ROR2: variants seen among roughly 807,000 people sequenced by gnomAD.
The protein encoded by ROR2 is ROR family WNT receptor 2, also known as tyrosine-protein kinase transmembrane receptor ROR2.
A neutral mutation model predicts 74.9 loss-of-function variants in ROR2; 33 were observed. The observed-to-expected ratio is 0.44, with a 90% CI of 0.33 to 0.59. The LOEUF (loss-of-function observed/expected upper bound fraction) is 0.59. ROR2 is among the 20% of genes least tolerant of loss of function. ROR2 has a pLI of 0.02. For missense variants in ROR2, 1,216 were observed against 1,313.8 expected (o/e 0.93, Z 1.15); for synonymous variants, 586 against 558.7 (o/e 1.05, Z -0.69).
At chr9:91,947,805 A>G (rs1832053379) in intron 1 of ROR2, among the ~76,000 whole-genome samples, 1 of 152,228 alleles carries the variant, frequency 6.6e-6, no homozygotes, top group African/African-American at 2.4e-5. Flanking sequence ...TCGTGGATAA[A>G]ACACACTCAA....
At chr9:91,829,229 T>C (rs951599290) in intron 1 of ROR2, among the ~76,000 whole-genome samples, 9 of 152,124 alleles carry the variant, frequency 5.9e-5, no homozygotes, top group African/African-American at 2.2e-4. Context: ...CAGAAGTGTA[T>C]GGGCACATTT....
rs753394714 is a variant in ROR2, at chr9:91,733,246, G to A, written c.813C>T (p.Ala271=). ...GCATGAGGATGAGCGGGTTGGAGCG[G>A]GCGATGGTGTACTCCTGGCGGCACA... ...SDLCRQEYTI[A]RSNPLILMRL... is the part of the protein sequence containing the mutation. Residue 271 remains alanine (A), a synonymous_variant, in exon 6 of 9, where the codon GCC becomes GCT. Coordinates refer to ENST00000375708, the MANE Select transcript of ROR2 (RefSeq NM_004560.4). The surrounding 1 kb of genome is among the most constrained non-coding windows in gnomAD (Gnocchi z 5.7). 5 of 1,612,860 alleles carry A rather than the reference G, an allele frequency of 3.1e-6. No individual in the cohort carries two copies. Among genetic ancestry groups the A allele is most frequent in the Non-Finnish European group, 3.4e-6 (4 of 1,179,750 alleles).
chr9:91,884,250 C>A (rs1415029342), intron 1 of ROR2, among the ~76,000 whole-genome samples: 2 of 152,152 alleles, frequency 1.3e-5, no homozygotes, highest in Non-Finnish European at 2.9e-5. Context: ...ATGGCTTCTG[C>A]TGAAATACAT....
chr9:91,730,589 T>G (rs1252717852), intron 7 of ROR2, among the ~76,000 whole-genome samples: 1 of 152,112 alleles, frequency 6.6e-6, no homozygotes, highest in African/African-American at 2.4e-5. Context: ...GTCTCTTGAG[T>G]AGCTGGGATT....
chr9:91,859,315 C>T (rs1444838325), intron 1 of ROR2, among the ~76,000 whole-genome samples: 3 of 151,286 alleles, frequency 2.0e-5, no homozygotes, highest in African/African-American at 7.3e-5. Flanking sequence ...AATTCTCCTG[C>T]CTCAGCCTCC....
intron 1 of ROR2, among the ~76,000 whole-genome samples, chr9:91,787,811 A>G (rs114661477): frequency 0.032 from 4,285 of 135,004 alleles, 129 homozygotes; most frequent in East Asian, 0.21. Flanking sequence ...TGGGGGGGAG[A>G]AAGTGGCCAA....
At position 91,859,962 on chromosome 9, in the gene ROR2, G is replaced by GAGCCCACACTGGAGA. The variant is rs1725783844; in HGVS notation, c.98-84145_98-84144insTCTCCAGTGTGGGCT. On this transcript the variant is annotated intron_variant, in intron 1 of 8. Transcript: ENST00000375708. ...GAGCCCACACTGGAGATGCCAGGGT[G>GAGCCCACACTGGAGA]TGCTCAGTCCTGCGGGCCTGGACGC... Among the ~76,000 whole-genome samples, 4 of 152,356 alleles carry GAGCCCACACTGGAGA rather than the reference G, an allele frequency of 2.6e-5. No homozygotes were observed. The South Asian group carries it at 8.3e-4, about 32-fold the overall frequency.
intron 1 of ROR2, among the ~76,000 whole-genome samples, chr9:91,885,004 A>G (rs1036992417): frequency 2.0e-5 from 3 of 152,212 alleles, no homozygotes; most frequent in Non-Finnish European, 4.4e-5. Context: ...AAGAACTTAA[A>G]GCCTCGCGAA....
At chr9:91,899,804 TCACACGTACG>T (rs1830626303) in intron 1 of ROR2, among the ~76,000 whole-genome samples, 1 of 151,958 alleles carries the variant, frequency 6.6e-6, no homozygotes, top group East Asian at 1.9e-4. Context: ...CCACATGCAC[TCACACGTACG>T]CACACGTACA....
chr9:91,736,165 G>A (rs1825018925), intron 5 of ROR2, among the ~76,000 whole-genome samples: 1 of 152,102 alleles, frequency 6.6e-6, no homozygotes, highest in Non-Finnish European at 1.5e-5. Flanking sequence ...ACCATCTCCC[G>A]CTGGAACAGG....
intron 1 of ROR2, among the ~76,000 whole-genome samples, chr9:91,929,370 G>C (rs1205878641): frequency 6.6e-6 from 1 of 152,204 alleles, no homozygotes; most frequent in African/African-American, 2.4e-5. Flanking sequence ...GCTCCGCAAA[G>C]GCATGGCATC....
At chr9:91,910,449 T>C (rs1319320641) in intron 1 of ROR2, among the ~76,000 whole-genome samples, 3 of 151,840 alleles carry the variant, frequency 2.0e-5, no homozygotes, top group Admixed American at 6.6e-5. Context: ...ATCAAAAACA[T>C]AGGCAACAGA....
At chr9:91,737,755 T>C (rs1825085555) in intron 4 of ROR2, among the ~76,000 whole-genome samples, 1 of 152,154 alleles carries the variant, frequency 6.6e-6, no homozygotes, top group Admixed American at 6.5e-5. Context: ...TGTAGGTGAA[T>C]GGATAAACAA....
rs562305789 is a variant in ROR2 at position 91,926,696 on chromosome 9, G to A, written c.97+23171C>T. ...TTAAAAGATTAAGAGTATTACGTCC[G>A]GGTGAACCCTGATGAAATCACGCTC... On this transcript the variant is annotated intron_variant, in intron 1 of 8. Transcript: ENST00000375708. 8.3e-4 allele frequency among the ~76,000 whole-genome samples: 126 copies of A among 151,626 alleles called. 2 individuals carry two copies. The highest frequency in any genetic ancestry group is 2.9e-3 in the African/African-American group (120 of 40,966).
intron 1 of ROR2, among the ~76,000 whole-genome samples, chr9:91,941,388 A>C (rs950352403): frequency 6.6e-6 from 1 of 152,200 alleles, no homozygotes. Flanking sequence ...CAGGTTCACT[A>C]ATGTGTCACT....
intron 1 of ROR2, among the ~76,000 whole-genome samples, chr9:91,859,668 C>A (rs1390853758): frequency 6.6e-6 from 1 of 151,862 alleles, no homozygotes; most frequent in Non-Finnish European, 1.5e-5. Flanking sequence ...ACTGAAAAGA[C>A]GAAAAAATTA....
intron 1 of ROR2, among the ~76,000 whole-genome samples, chr9:91,849,657 T>C (rs934795916): frequency 6.6e-6 from 1 of 152,254 alleles, no homozygotes; most frequent in Non-Finnish European, 1.5e-5. Flanking sequence ...CATTTGAAAC[T>C]TTCTTTTATA....
intron 4 of ROR2, among the ~76,000 whole-genome samples, chr9:91,748,234 A>C (rs1283972941): frequency 2.6e-5 from 4 of 152,036 alleles, no homozygotes; most frequent in Non-Finnish European, 5.9e-5. Flanking sequence ...AAGACTGTGC[A>C]CTGCTGCACT....
intron 1 of ROR2, among the ~76,000 whole-genome samples, chr9:91,802,723 C>A (rs947009584): frequency 6.6e-6 from 1 of 152,212 alleles, no homozygotes; most frequent in Non-Finnish European, 1.5e-5. Flanking sequence ...TGCAGTGGCA[C>A]GAGGTGCGCA....
Sources: allele counts gnomAD v4.1 joint callset (sites outside exome capture counted in the v4.1 genomes callset), GRCh38; gene constraint gnomAD v4.1.1; non-coding constraint Gnocchi (gnomAD v3.1); transcripts MANE v1.5; gene names NCBI Gene and HGNC (gene_info 2026-07-23, HGNC 2026-07-21).